Variants in GDAP1L1 observed in about 807,000 individuals in gnomAD.
GDAP1L1 encodes the protein ganglioside-induced differentiation-associated protein 1-like 1.
GDAP1L1 carries 21 observed loss-of-function variants against 37.1 expected under a neutral mutation model. The ratio of observed to expected loss-of-function variants is 0.57; its 90% CI spans 0.40 to 0.81. GDAP1L1 has a LOEUF of 0.81. Ranked by LOEUF, GDAP1L1 falls within the 40% of genes least tolerant of loss-of-function variation. GDAP1L1 has a pLI of 0.00. For missense variants in GDAP1L1, 362 were observed against 491.6 expected (o/e 0.74, Z 2.49); for synonymous variants, 193 against 209.1 (o/e 0.92, Z 0.67).
intron 5 of GDAP1L1, among the ~76,000 whole-genome samples, chr20:44,276,046 G>A (rs2062569005): frequency 6.6e-6 from 1 of 151,974 alleles, no homozygotes; most frequent in African/African-American, 2.4e-5. Flanking sequence ...ATGAGGCCAG[G>A]TGTGGTGGCT....
At position 44,257,362 on chromosome 20, in the gene GDAP1L1, A is replaced by G. The variant is rs1600535393; in HGVS notation, c.373+17A>G. The G allele has an allele frequency of 2.5e-6, 4 of 1,605,310 alleles. No homozygotes were observed. The highest frequency in any genetic ancestry group is 2.6e-6 in the Non-Finnish European group (3 of 1,174,552). ...TCACAGGAGGTACGGCTGCCTCCCC[A>G]CCCAGGGGCCCACTCCATACCACAG... On this transcript the variant is annotated intron_variant, in intron 2 of 5. Coordinates refer to ENST00000342560, the MANE Select transcript of GDAP1L1 (RefSeq NM_024034.6).
intron 1 of GDAP1L1, among the ~76,000 whole-genome samples, chr20:44,255,266 G>C (rs909624579): frequency 1.3e-5 from 2 of 152,090 alleles, no homozygotes; most frequent in Non-Finnish European, 2.9e-5. Flanking sequence ...AGCTGCCCAG[G>C]CATGGTGGCT....
At chr20:44,261,645 C>T (rs1407070994) in intron 3 of GDAP1L1, among the ~76,000 whole-genome samples, 1 of 152,198 alleles carries the variant, frequency 6.6e-6, no homozygotes, top group African/African-American at 2.4e-5. Flanking sequence ...TCTCCATGTA[C>T]AGCAAGCAGG....
At chr20:44,249,389 G>A (rs1396033709) in intron 1 of GDAP1L1, among the ~76,000 whole-genome samples, 2 of 152,146 alleles carry the variant, frequency 1.3e-5, no homozygotes, top group Non-Finnish European at 2.9e-5. Context: ...GTTAATCAAG[G>A]TCATACTGGA....
intron 3 of GDAP1L1, among the ~76,000 whole-genome samples, chr20:44,262,667 AT>A (rs56091782): frequency 0.2 from 30,990 of 151,352 alleles, 3,619 homozygotes; most frequent in African/African-American, 0.31. Context: ...GTTTATTTTT[AT>A]TTTTTTTAAC....
chr20:44,258,272 G>A (rs962074761), intron 2 of GDAP1L1, 162 bp from the exon 3 acceptor site: 11 of 753,888 alleles, frequency 1.5e-5, no homozygotes, highest in African/African-American at 3.5e-5. Context: ...AGAGATGGCC[G>A]GGCCACCACT....
At chr20:44,257,603 C>T (rs1477779344) in intron 2 of GDAP1L1, among the ~76,000 whole-genome samples, 2 of 152,110 alleles carry the variant, frequency 1.3e-5, no homozygotes, top group African/African-American at 4.8e-5. Context: ...ATGACCCAGA[C>T]ACCCCCCCAC....
chr20:44,276,954 C>T (rs1312234640), intron 5 of GDAP1L1, among the ~76,000 whole-genome samples: 1 of 152,170 alleles, frequency 6.6e-6, no homozygotes, highest in African/African-American at 2.4e-5. Flanking sequence ...GCCAGCTTCT[C>T]CTGGGCTTCA....
rs6017303 is a variant in GDAP1L1, at chr20:44,255,479, T to C, written c.181-1674T>C. 5.2e-3 allele frequency among the ~76,000 whole-genome samples: 716 copies of C among 137,074 alleles called. 4 individuals are homozygous for C. The highest frequency in any genetic ancestry group is 0.019 in the African/African-American group (669 of 35,322). 89.9% of individuals were successfully genotyped at this position (137,074 alleles called of 152,430 possible). On this transcript the variant is annotated intron_variant, in intron 1 of 5. Transcript: ENST00000342560. Reference sequence around the variant, plus strand: ...ATCGCTTGAACCCAGGAGGCGGAGGTTGCAGTGAGCCGAGATCGCACCACT... The same window carrying C: ...ATCGCTTGAACCCAGGAGGCGGAGGCTGCAGTGAGCCGAGATCGCACCACT...
At chr20:44,278,849 C>T (rs935610232) in intron 5 of GDAP1L1, 108 bp from the exon 6 acceptor site, 3 of 713,940 alleles carry the variant, frequency 4.2e-6, no homozygotes, top group Non-Finnish European at 7.4e-6. Context: ...GAGTAACCCT[C>T]AGAAAATACT....
chr20:44,279,718 A>G lies in GDAP1L1; in HGVS notation c.*418A>G. 1 of 473,742 alleles carries G rather than the reference A, an allele frequency of 2.1e-6. No homozygotes were observed. 29.3% of individuals were successfully genotyped at this position (473,742 alleles called of 1,614,324 possible). A position where few individuals can be genotyped will look rare whatever the true frequency, so the allele number is the denominator to read the frequency against. ...CCTCACCTCCCCTTCCCTCTTGCCC[A>G]GGGAACTCTTCCACAGGACAAAGCC... is the stretch of plus-strand genomic sequence containing the variant. On this transcript the variant is annotated 3_prime_UTR_variant, in exon 6 of 6. Transcript: ENST00000342560.
chr20:44,269,323 C>T (rs900522619), intron 5 of GDAP1L1, among the ~76,000 whole-genome samples: 1 of 152,048 alleles, frequency 6.6e-6, no homozygotes, highest in Non-Finnish European at 1.5e-5. Context: ...GCAGGAGCAG[C>T]AAAGCCATCA....
In GDAP1L1 at chr20:44,279,720, G is replaced by A. The variant is rs1157773297; in HGVS notation, c.*420G>A. On this transcript the variant is annotated 3_prime_UTR_variant, in exon 6 of 6. Transcript: ENST00000342560. ...TCACCTCCCCTTCCCTCTTGCCCAG[G>A]GAACTCTTCCACAGGACAAAGCCGA... The A allele has an allele frequency of 2.1e-6, 1 of 473,578 alleles. No individual in the cohort carries two copies. The highest frequency in any genetic ancestry group is 4.4e-6 in the Non-Finnish European group (1 of 228,620). The allele number at this position is 473,578 out of a possible 1,614,324, so 29.3% of individuals were successfully genotyped here. A position where few individuals can be genotyped will look rare whatever the true frequency, so the allele number is the denominator to read the frequency against.
intron 5 of GDAP1L1, among the ~76,000 whole-genome samples, chr20:44,276,428 G>GAAAGAAAGAAAGA (rs2062578603): frequency 7.2e-6 from 1 of 138,488 alleles, no homozygotes; most frequent in East Asian, 2.5e-4. Flanking sequence ...AAGAAAGAAA[G>GAAAGAAAGAAAGA]AAAGAAAGAA....
intron 3 of GDAP1L1, among the ~76,000 whole-genome samples, chr20:44,259,398 T>C (rs6031482): frequency 0.041 from 6,263 of 152,222 alleles, 445 homozygotes; most frequent in African/African-American, 0.14. Flanking sequence ...CTCAAAGGAA[T>C]GTGGCTAATG....
intron 3 of GDAP1L1, among the ~76,000 whole-genome samples, chr20:44,259,492 A>AT (rs11481104): frequency 0.36 from 47,410 of 132,488 alleles, 9,168 homozygotes; most frequent in South Asian, 0.54. Context: ...AAGACTCAGA[A>AT]TTTTTTTTTT....
chr20:44,258,181 G>A, intron 2 of GDAP1L1: 1 of 717,628 alleles, frequency 1.4e-6, no homozygotes, highest in Non-Finnish European at 2.6e-6. Context: ...CCGCAACACT[G>A]GGTCTAGGAC....
At chr20:44,250,770 A>G (rs759641795) in intron 1 of GDAP1L1, among the ~76,000 whole-genome samples, 4 of 152,158 alleles carry the variant, frequency 2.6e-5, no homozygotes, top group Admixed American at 1.3e-4. Context: ...GATGCTTCTG[A>G]GGCTGTTCCT....
chr20:44,254,218 ACACT>A lies in GDAP1L1; in HGVS notation c.181-2931_181-2928del, dbSNP rs1476937122. Reference sequence around the variant, plus strand: ...CACTGACCGGGAACACACATGGCACACACTCACATGTACACACATGTGCACTCTC... The same window carrying A: ...CACTGACCGGGAACACACATGGCACACACATGTACACACATGTGCACTCTC... On this transcript the variant is annotated intron_variant, in intron 1 of 5. Transcript: ENST00000342560. 3.3e-5 allele frequency among the ~76,000 whole-genome samples: 5 copies of A among 152,310 alleles called. No homozygotes were observed. The East Asian group carries it at 5.8e-4, about 18-fold the overall frequency.
Sources: allele counts gnomAD v4.1 joint callset (sites outside exome capture counted in the v4.1 genomes callset), GRCh38; gene constraint gnomAD v4.1.1; transcripts MANE v1.5; gene names NCBI Gene and HGNC (gene_info 2026-07-23, HGNC 2026-07-21).